EHMT2: variants seen among roughly 807,000 people sequenced by gnomAD.
EHMT2 encodes histone-lysine N-methyltransferase EHMT2.
EHMT2 carries 59 observed loss-of-function variants against 143.3 expected under a neutral mutation model. That is an observed-to-expected ratio of 0.41 (90% CI 0.33 to 0.51). The LOEUF (loss-of-function observed/expected upper bound fraction) is 0.51, where lower values mean the gene tolerates loss of function less well. Ranked by LOEUF, EHMT2 falls within the 20% of genes least tolerant of loss-of-function variation. The pLI, the probability that EHMT2 is intolerant of heterozygous loss-of-function variation, is 0.18. For missense variants in EHMT2, 1,174 were observed against 1,645.9 expected, an observed-to-expected ratio of 0.71 and a Z score of 4.96; for synonymous variants, 604 against 651.5, an observed-to-expected ratio of 0.93 and a Z score of 1.11.
chr6:31,894,612 G>A (rs536381283), intron 4 of EHMT2, among the ~76,000 whole-genome samples: 4 of 152,172 alleles, frequency 2.6e-5, no homozygotes, highest in African/African-American at 2.4e-5. Context: ...TAAATTTTAC[G>A]TGACACTAGT....
rs137861688 is a variant in EHMT2 at position 31,892,494 on chromosome 6, C to T, written c.777G>A (p.Leu259=). 465 of 1,613,060 alleles carry T rather than the reference C, an allele frequency of 2.9e-4. 1 individual carries two copies. The highest frequency in any genetic ancestry group is 2.3e-3 in the Middle Eastern group (14 of 6,060). Residue 259 remains leucine, a synonymous_variant, in exon 7 of 28, where the codon CTG becomes CTA. Coordinates refer to ENST00000375537, the Ensembl canonical transcript of EHMT2. The stretch of plus-strand genomic sequence containing the variant: ...CACCCACCACCGTCTCCCACTCCTC[C>T]AGGGACCCGGGGTCCCCTTTCGTCA...
At chr6:31,882,837 G>A (rs1459937204) in intron 24 of EHMT2, 52 bp from the exon 25 acceptor site, 1 of 1,611,884 alleles carries the variant, frequency 6.2e-7, no homozygotes, top group Non-Finnish European at 8.5e-7. Context: ...AAAAGCCCCA[G>A]GGGCAGGGAG....
chr6:31,897,158 C>T (rs765667170), intron 1 of EHMT2, 169 bp from the exon 2 acceptor site: 6 of 1,346,710 alleles, frequency 4.5e-6, no homozygotes, highest in Non-Finnish European at 5.7e-6. Context: ...CACGACCCCT[C>T]CCCCGGGCCC....
chr6:31,880,906 C>A lies in EHMT2; in HGVS notation c.3277-58G>T. 1 of 1,609,196 alleles carries A rather than the reference C, an allele frequency of 6.2e-7. No homozygotes were observed. The highest frequency in any genetic ancestry group is 1.1e-5 in the South Asian group (1 of 90,988). Reference sequence around the variant, plus strand: ...CCCCGACCCTGCTTGCCCTCCCCACCCACTGACTCCCCAGTCCCTCCTCCC... The same window carrying A: ...CCCCGACCCTGCTTGCCCTCCCCACACACTGACTCCCCAGTCCCTCCTCCC... On this transcript the variant is annotated intron_variant, in intron 26 of 27. Coordinates refer to ENST00000375537, the Ensembl canonical transcript of EHMT2. The surrounding 1 kb of genome is among the most constrained non-coding windows in gnomAD (Gnocchi z 6.6).
intron 7 of EHMT2, 84 bp downstream of exon 7, chr6:31,892,323 A>G (rs180997766): frequency 8.7e-6 from 13 of 1,488,292 alleles, no homozygotes; most frequent in Middle Eastern, 1.9e-4. Context: ...CAGAAAGCAG[A>G]AAAACAGGGA....
rs916078773 is a variant in EHMT2, at chr6:31,880,330, C to T, written c.3453-66G>A. 3.8e-5 allele frequency: 59 copies of T among 1,555,970 alleles called. No homozygotes were observed. The highest frequency in any genetic ancestry group is 1.2e-4 in the Admixed American group (7 of 56,454). ...CCACCAAGAGCCCACCCCGAAGACC[C>T]TGTGGATCCTGCTCCCTGAGAGGGA... On this transcript the variant is annotated intron_variant, in intron 27 of 27. Coordinates refer to ENST00000375537, the Ensembl canonical transcript of EHMT2. The surrounding 1 kb of genome is among the most constrained non-coding windows in gnomAD (Gnocchi z 6.6).
chr6:31,880,322 C>A lies in EHMT2; in HGVS notation c.3453-58G>T. On this transcript the variant is annotated intron_variant, in intron 27 of 27. Coordinates refer to ENST00000375537, the Ensembl canonical transcript of EHMT2. The surrounding 1 kb of genome is among the most constrained non-coding windows in gnomAD (Gnocchi z 6.6). ...GGACCCAGCCACCAAGAGCCCACCC[C>A]GAAGACCCTGTGGATCCTGCTCCCT... is the stretch of plus-strand genomic sequence containing the variant. The A allele has an allele frequency of 6.3e-7, 1 of 1,576,522 alleles. No homozygotes were observed. The highest frequency in any genetic ancestry group is 8.7e-7 in the Non-Finnish European group (1 of 1,155,860).
rs913253097 is a variant in EHMT2, at chr6:31,880,358, C to T, written c.3453-94G>A. On this transcript the variant is annotated intron_variant, in intron 27 of 27. Transcript: ENST00000375537. The surrounding 1 kb of genome is among the most constrained non-coding windows in gnomAD (Gnocchi z 6.6). Reference sequence around the variant, plus strand: ...TGGATCCTGCTCCCTGAGAGGGACCCGACACCCAACCTATCTTCTCCAGAT... The same window carrying T: ...TGGATCCTGCTCCCTGAGAGGGACCTGACACCCAACCTATCTTCTCCAGAT... The T allele has an allele frequency of 1.7e-5, 23 of 1,391,410 alleles. No homozygotes were observed. The highest frequency in any genetic ancestry group is 4.3e-5 in the African/African-American group (3 of 69,786). The allele number at this position is 1,391,410 out of a possible 1,614,324, so 86.2% of individuals were successfully genotyped here.
chr6:31,883,543 A>G lies in EHMT2; in HGVS notation c.2917-104T>C, dbSNP rs1446188214. 13 of 1,239,246 alleles carry G rather than the reference A, an allele frequency of 1.0e-5. No homozygotes were observed. In the South Asian group the frequency reaches 1.7e-4, roughly 16 times the overall value. 76.8% of individuals were successfully genotyped at this position (1,239,246 alleles called of 1,614,324 possible). A position where few individuals can be genotyped will look rare whatever the true frequency, so the allele number is the denominator to read the frequency against. ...AACCACTGTCCTTTCTTTGGGGTCC[A>G]TGTGTTACAACAGTGGGTGGTGATG... On this transcript the variant is annotated intron_variant, in intron 22 of 27. Coordinates refer to ENST00000375537, the Ensembl canonical transcript of EHMT2. This position sits in a 1 kb window ranked among gnomAD's most constrained non-coding sequence, Gnocchi z 5.6.
chr6:31,887,593 C>T (rs1305762081), exon 15 of EHMT2: 5 of 1,612,964 alleles, frequency 3.1e-6, no homozygotes, highest in African/African-American at 1.3e-5. Context: ...TCAGGATCAC[C>T]TTCTGCAGCT....
chr6:31,895,338 CTTCTT>C (rs1271402541), intron 4 of EHMT2: 1 of 152,074 alleles, frequency 6.6e-6, no homozygotes, highest in African/African-American at 2.4e-5. Context: ...GGAACTGCCT[CTTCTT>C]TTCCTTTGTT....
Position 31,888,556 on chromosome 6 carries a change from G to C in EHMT2, c.1365+43C>G. On this transcript the variant is annotated intron_variant, in intron 11 of 27. Transcript: ENST00000375537. This position sits in a 1 kb window ranked among gnomAD's most constrained non-coding sequence, Gnocchi z 7.4. The stretch of plus-strand genomic sequence containing the variant: ...AAGAGAGCGTGAGGCTGGGGCCGGG[G>C]ACTGGACGCCCTGGCACCTCTCCCA... 1.9e-6 allele frequency: 3 copies of C among 1,609,606 alleles called. No individual in the cohort carries two copies. The highest frequency in any genetic ancestry group is 1.3e-5 in the African/African-American group (1 of 74,992).
chr6:31,887,166 T>C, intron 15 of EHMT2, 65 bp from the exon 16 acceptor site: 1 of 1,382,824 alleles, frequency 7.2e-7, no homozygotes, highest in Non-Finnish European at 9.9e-7. Context: ...AGGGGGCAGG[T>C]GGCACTTCTT....
Position 31,889,543 on chromosome 6 carries a change from TTCCTCCTCTTCC to T in EHMT2, c.912_923del (p.Glu320_Glu323del). On this transcript the variant is annotated inframe_deletion, in exon 8 of 28. Transcript: ENST00000375537. This position sits in a 1 kb window ranked among gnomAD's most constrained non-coding sequence, Gnocchi z 5.1. ...CCTCCTCCTCTTCCTCTTCTTCTTC[TTCCTCCTCTTCC>T]TCCTCCTCCTCTTCACTTAGTTGTT... 1 of 1,610,792 alleles carries T rather than the reference TTCCTCCTCTTCC, an allele frequency of 6.2e-7. No homozygotes were observed. The highest frequency in any genetic ancestry group is 8.5e-7 in the Non-Finnish European group (1 of 1,179,036).
Position 31,886,980 on chromosome 6 carries a change from C to T in EHMT2, c.2118+15G>A, listed in dbSNP as rs549125594. 19 of 1,613,860 alleles carry T rather than the reference C, an allele frequency of 1.2e-5. No individual in the cohort carries two copies. Among genetic ancestry groups the T allele is most frequent in the East Asian group, 6.7e-5 (3 of 44,880 alleles). ...GGGCCTGGTGAATGAGGCATGGGGC[C>T]GGGCCCGTGCTGACCTGCAGCAGCA... On this transcript the variant is annotated intron_variant, in intron 16 of 27. Transcript: ENST00000375537.
chr6:31,892,671 G>C (rs1395250777), intron 6 of EHMT2, 23 bp downstream of exon 6: 1 of 1,613,000 alleles, frequency 6.2e-7, no homozygotes, highest in Admixed American at 1.7e-5. Context: ...CCGAGGGGTA[G>C]AGGCTCTGCC....
chr6:31,889,596 C>G lies in EHMT2; in HGVS notation c.871G>C (p.Val291Leu), dbSNP rs1765421817. ...CTTAGTTGTTCAGTTAGAGCTTCAA[C>G]TTCAGACTGGGAGAGAGGCAGAACA... Residue 291 changes from valine (V) to leucine (L), a missense_variant, in exon 8 of 28, where the codon GTT becomes CTT. Physicochemically the swap from Val to Leu is conservative, Grantham distance 32. Coordinates refer to ENST00000375537, the Ensembl canonical transcript of EHMT2. This position sits in a 1 kb window ranked among gnomAD's most constrained non-coding sequence, Gnocchi z 5.1. 1 of 1,610,708 alleles carries G rather than the reference C, an allele frequency of 6.2e-7. No homozygotes were observed. The highest frequency in any genetic ancestry group is 8.5e-7 in the Non-Finnish European group (1 of 1,180,014).
Position 31,889,675 on chromosome 6 carries a change from C to G in EHMT2, c.865-73G>C, listed in dbSNP as rs1405912450. The G allele has an allele frequency of 6.3e-7, 1 of 1,582,748 alleles. No homozygotes were observed. Among genetic ancestry groups the G allele is most frequent in the African/African-American group, 1.3e-5 (1 of 74,324 alleles). On this transcript the variant is annotated intron_variant, in intron 7 of 27. Coordinates refer to ENST00000375537, the Ensembl canonical transcript of EHMT2. This position sits in a 1 kb window ranked among gnomAD's most constrained non-coding sequence, Gnocchi z 5.1. ...ATGAGGTGAGTAAAGAAAACCACCA[C>G]CACCATTGCCCCCCGCCACTACCCA... is the stretch of plus-strand genomic sequence containing the variant.
chr6:31,897,038 T>C lies in EHMT2; in HGVS notation c.43-49A>G, dbSNP rs747065152. On this transcript the variant is annotated intron_variant, in intron 1 of 27. Coordinates refer to ENST00000375537, the Ensembl canonical transcript of EHMT2. ...GAGGGCTGGTCAGCCCAGTAGAGAG[T>C]TGGGGGGTCCAGGATGCCTGGGCCC... The C allele has an allele frequency of 9.2e-6, 14 of 1,519,478 alleles. No homozygotes were observed. In the Admixed American group the frequency reaches 2.7e-4, roughly 30 times the overall value. 94.1% of individuals were successfully genotyped at this position (1,519,478 alleles called of 1,614,324 possible).
Sources: gnomAD v4.1 joint callset for allele counts (sites outside exome capture counted in the v4.1 genomes callset) on GRCh38, gnomAD v4.1.1 for gene constraint, Gnocchi (gnomAD v3.1) non-coding constraint, MANE v1.5 for transcripts, NCBI Gene and HGNC (gene_info 2026-07-23, HGNC 2026-07-21) for gene names.